ABR: variants seen among roughly 807,000 people sequenced by gnomAD.
The protein encoded by ABR is active breakpoint cluster region-related protein.
A neutral mutation model predicts 107.2 loss-of-function variants in ABR; 35 were observed. The ratio of observed to expected loss-of-function variants is 0.33; its 90% confidence interval spans 0.25 to 0.43. The LOEUF (loss-of-function observed/expected upper bound fraction) is 0.43, where lower values mean the gene tolerates loss of function less well. ABR is among the 20% of genes least tolerant of loss of function. The probability of loss-of-function intolerance (pLI) is 1.00; values close to 1 mark genes in which losing one functional copy is unlikely to be tolerated. For missense variants in ABR, 815 were observed against 1,115.2 expected (o/e 0.73, Z 3.83); for synonymous variants, 498 against 462.0 (o/e 1.08, Z -1.00).
At chr17:1,044,433 T>G (rs1312426681) in intron 16 of ABR, among the ~76,000 whole-genome samples, 1 of 152,150 alleles carries the variant, frequency 6.6e-6, no homozygotes, top group Non-Finnish European at 1.5e-5. Context: ...ACAGATCACC[T>G]GAGCTCAGGA....
chr17:1,170,229 G>A lies in ABR; in HGVS notation c.61+9438C>T, dbSNP rs375188057. Among the ~76,000 whole-genome samples, 39 of 152,166 alleles carry A rather than the reference G, an allele frequency of 2.6e-4. No individual in the cohort carries two copies. In the East Asian group the frequency reaches 3.9e-3, roughly 15 times the overall value. ...TATCACGGGGGCTTGGGGGCAAGACGCAGTCTTCACAACTGTCTTTCTAGC... is the reference window on the plus strand; with the variant it reads ...TATCACGGGGGCTTGGGGGCAAGACACAGTCTTCACAACTGTCTTTCTAGC... On this transcript the variant is annotated intron_variant, in intron 1 of 22. Transcript: ENST00000302538.
At chr17:1,006,402 C>T (rs978364021) in intron 22 of ABR, among the ~76,000 whole-genome samples, 6 of 152,196 alleles carry the variant, frequency 3.9e-5, no homozygotes, top group Admixed American at 6.5e-5. Context: ...TGTCCTGAGG[C>T]GGCCACAGTC....
At chr17:1,166,671 TGGGCAGCGC>T (rs2041522293) in intron 1 of ABR, among the ~76,000 whole-genome samples, 1 of 152,136 alleles carries the variant, frequency 6.6e-6, no homozygotes, top group Non-Finnish European at 1.5e-5. Context: ...CCATCCAGTG[TGGGCAGCGC>T]GGGCCTCACC....
intron 1 of ABR, among the ~76,000 whole-genome samples, chr17:1,202,434 T>C (rs1035482464): frequency 1.3e-5 from 2 of 152,208 alleles, no homozygotes; most frequent in East Asian, 1.9e-4. Flanking sequence ...CATTCTAAAT[T>C]GCAAATTCAA....
intron 6 of ABR, among the ~76,000 whole-genome samples, chr17:1,075,473 G>A (rs1046085434): frequency 1.3e-5 from 2 of 152,256 alleles, no homozygotes; most frequent in Admixed American, 1.3e-4. Context: ...GACACTTCAG[G>A]GAGCAATCTG....
Position 1,179,864 on chromosome 17 carries a change from G to T in ABR, c.-137C>A. ...AGGCCGGGAACCAGGTCCCCGGGAGGAGCGCGGGGCGGCCGGGGCAGGGGC... is the reference window on the plus strand; with the variant it reads ...AGGCCGGGAACCAGGTCCCCGGGAGTAGCGCGGGGCGGCCGGGGCAGGGGC... On this transcript the variant is annotated 5_prime_UTR_variant, in exon 1 of 23. Transcript: ENST00000302538. The surrounding 1 kb of genome is among the most constrained non-coding windows in gnomAD (Gnocchi z 4.9). The T allele has an allele frequency of 1.1e-6, 1 of 893,338 alleles. No homozygotes were observed. The highest frequency in any genetic ancestry group is 1.5e-6 in the Non-Finnish European group (1 of 646,244). The allele number at this position is 893,338 out of a possible 1,614,324, so 55.3% of individuals were successfully genotyped here. A position where few individuals can be genotyped will look rare whatever the true frequency, so the allele number is the denominator to read the frequency against.
At position 1,004,848 on chromosome 17, in the gene ABR, G is replaced by A. The variant is rs921068344; in HGVS notation, c.*1232C>T. ...CACAATGGCTGGCCACCGTGGGCCTGTGCCTTTGCTTCCCAGGTCCTGGAG... is the reference window on the plus strand; with the variant it reads ...CACAATGGCTGGCCACCGTGGGCCTATGCCTTTGCTTCCCAGGTCCTGGAG... On this transcript the variant is annotated 3_prime_UTR_variant, in exon 23 of 23. Coordinates refer to ENST00000302538, the MANE Select transcript of ABR (RefSeq NM_021962.5). The A allele has an allele frequency of 4.6e-5, 18 of 394,868 alleles. No individual in the cohort carries two copies. Among genetic ancestry groups the A allele is most frequent in the African/African-American group, 3.3e-4 (16 of 48,596 alleles). The allele number at this position is 394,868 out of a possible 1,614,324, so 24.5% of individuals were successfully genotyped here.
upstream of ABR, among the ~76,000 whole-genome samples, chr17:1,191,203 G>A (rs1295604401): frequency 6.6e-6 from 1 of 152,038 alleles, no homozygotes; most frequent in African/African-American, 2.4e-5. Context: ...CTCGGGCCTC[G>A]AGTTTGTAAA....
chr17:1,175,149 C>T (rs1339883406), intron 1 of ABR, among the ~76,000 whole-genome samples: 3 of 152,250 alleles, frequency 2.0e-5, no homozygotes, highest in East Asian at 1.9e-4. Context: ...CAGGGGCTCA[C>T]GCCTGTCATC....
chr17:1,190,989 A>G (rs2042418600), upstream of ABR, among the ~76,000 whole-genome samples: 1 of 152,202 alleles, frequency 6.6e-6, no homozygotes, highest in South Asian at 2.1e-4. Flanking sequence ...AGGGCCTGAC[A>G]GACAGGGCTT....
intron 1 of ABR, among the ~76,000 whole-genome samples, chr17:1,213,459 G>C (rs969283716): frequency 1.3e-5 from 2 of 148,700 alleles, no homozygotes; most frequent in African/African-American, 5.0e-5. Flanking sequence ...GTGCAATCTC[G>C]GCTCACTGCA....
intron 1 of ABR, among the ~76,000 whole-genome samples, chr17:1,161,269 G>T (rs560799697): frequency 5.3e-5 from 8 of 150,530 alleles, no homozygotes; most frequent in African/African-American, 1.7e-4. Flanking sequence ...TTAAGACAAG[G>T]TCTCATTCCT....
chr17:1,127,727 C>CA (rs2039659786), intron 1 of ABR, among the ~76,000 whole-genome samples: 1 of 152,152 alleles, frequency 6.6e-6, no homozygotes, highest in African/African-American at 2.4e-5. Flanking sequence ...GTACACTGAC[C>CA]AATTCCCAGG....
At chr17:1,197,343 C>A (rs1394616939) in intron 1 of ABR, among the ~76,000 whole-genome samples, 1 of 151,448 alleles carries the variant, frequency 6.6e-6, no homozygotes, top group African/African-American at 2.4e-5. Context: ...TCTGTCTCTG[C>A]GGGTTTGAAA....
At chr17:1,058,940 C>T (rs1308057939) in intron 10 of ABR, 73 bp from the exon 11 acceptor site, 2 of 1,579,226 alleles carry the variant, frequency 1.3e-6, no homozygotes, top group Admixed American at 1.8e-5. Context: ...AAGCACGACA[C>T]TCCACTGTGT....
rs372281695 is a variant in ABR, at chr17:1,193,901, A to G, written c.838+34892T>C. Among the ~76,000 whole-genome samples the G allele has an allele frequency of 1.5e-3, 222 of 151,726 alleles. 1 individual carries two copies. The highest frequency in any genetic ancestry group is 3.7e-3 in the Admixed American group (56 of 15,208). On this transcript the variant is annotated intron_variant, in intron 1 of 22. Coordinates refer to the ABR transcript ENST00000574139. ...AATAGAGACGGGGTTTCACCGTGTT[A>G]GCCAGGATGGTTTTGATCTCCTGAC...
At chr17:1,228,265 G>T (rs2043259946) in intron 1 of ABR, 1 of 152,328 alleles carries the variant, frequency 6.6e-6, no homozygotes. Flanking sequence ...GCCCTTCCCT[G>T]AAGTTTGCAC....
chr17:1,044,195 G>C (rs922105836), intron 16 of ABR, among the ~76,000 whole-genome samples: 2 of 102,452 alleles, frequency 2.0e-5, no homozygotes, highest in African/African-American at 6.1e-5. Flanking sequence ...GCAAGAGCCG[G>C]TGGAGGGGGG....
At chr17:1,217,503 A>T (rs11867310) in intron 1 of ABR, among the ~76,000 whole-genome samples, 1 of 151,980 alleles carries the variant, frequency 6.6e-6, no homozygotes, top group African/African-American at 2.4e-5. Context: ...TGTTATATAC[A>T]TATTGACTTA....
Sources: allele counts gnomAD v4.1 joint callset (sites outside exome capture counted in the v4.1 genomes callset), GRCh38; gene constraint gnomAD v4.1.1; non-coding constraint Gnocchi (gnomAD v3.1); transcripts MANE v1.5; gene names NCBI Gene and HGNC (gene_info 2026-07-23, HGNC 2026-07-21).